ATRNL1: variants seen among roughly 807,000 people sequenced by gnomAD.
ATRNL1 encodes the protein attractin like 1.
In ATRNL1, 95 loss-of-function variants were observed where a neutral mutation model predicts 182.7. The ratio of observed to expected loss-of-function variants is 0.52; its 90% CI spans 0.44 to 0.62. The LOEUF (loss-of-function observed/expected upper bound fraction) is 0.62, where lower values mean the gene tolerates loss of function less well. ATRNL1 is among the 20% of genes least tolerant of loss of function. The pLI is 0.00. For synonymous variants in ATRNL1, 576 were observed against 568.3 expected, an observed-to-expected ratio of 1.01 and a Z score of -0.19; for missense variants, 1,471 against 1,679.5, an observed-to-expected ratio of 0.88 and a Z score of 2.17.
chr10:115,444,214 A>G (rs1224341233), intron 21 of ATRNL1, among the ~76,000 whole-genome samples: 3 of 152,168 alleles, frequency 2.0e-5, no homozygotes, highest in Non-Finnish European at 4.4e-5. Context: ...GTTGTTGGAT[A>G]CAAAATTAAT....
chr10:115,434,347 A>G (rs547342281), intron 21 of ATRNL1, among the ~76,000 whole-genome samples: 61 of 152,286 alleles, frequency 4.0e-4, no homozygotes, highest in Non-Finnish European at 7.9e-4. Context: ...AGCTTTTTAT[A>G]TGTATTAGCT....
chr10:115,375,018 G>GT (rs1353341897), intron 19 of ATRNL1, among the ~76,000 whole-genome samples: 68 of 145,368 alleles, frequency 4.7e-4, no homozygotes, highest in Non-Finnish European at 6.4e-4. Flanking sequence ...ATCCAATGTT[G>GT]TTTTTTTTTT....
At chr10:115,267,165 T>C (rs1298287295) in intron 12 of ATRNL1, among the ~76,000 whole-genome samples, 160 bp downstream of exon 12, 2 of 151,392 alleles carry the variant, frequency 1.3e-5, no homozygotes, top group African/African-American at 4.8e-5. Context: ...TGATTAATAA[T>C]TTAATACATT....
At chr10:115,173,937 G>T (rs544299887) in intron 8 of ATRNL1, among the ~76,000 whole-genome samples, 1 of 466 alleles carries the variant, frequency 2.1e-3, no homozygotes, top group Admixed American at 0.019. Context: ...TACATGTCTT[G>T]TATTTTCAAA....
intron 5 of ATRNL1, among the ~76,000 whole-genome samples, chr10:115,137,036 TA>T: frequency 6.6e-6 from 1 of 152,052 alleles, no homozygotes; most frequent in East Asian, 1.9e-4. Flanking sequence ...AAGAACACAA[TA>T]GAACAGTAAT....
At chr10:115,642,900 A>G (rs982128683) in intron 26 of ATRNL1, among the ~76,000 whole-genome samples, 6 of 152,230 alleles carry the variant, frequency 3.9e-5, no homozygotes, top group Admixed American at 1.3e-4. Context: ...CTCTCAACAG[A>G]GGACTCTTTT....
At chr10:115,610,668 T>C (rs1857108629) in intron 26 of ATRNL1, among the ~76,000 whole-genome samples, 1 of 152,186 alleles carries the variant, frequency 6.6e-6, no homozygotes, top group Admixed American at 6.5e-5. Context: ...ACCTCAGTTA[T>C]AAAGTTGTGC....
At chr10:115,769,325 C>A (rs138499984) in intron 27 of ATRNL1, among the ~76,000 whole-genome samples, 54 of 152,218 alleles carry the variant, frequency 3.5e-4, no homozygotes, top group African/African-American at 1.3e-3. Context: ...TGCACATTTT[C>A]ATTTCCCTGA....
In ATRNL1 at chr10:115,121,726, C is replaced by A. The variant is rs1554871670; in HGVS notation, c.405C>A (p.Phe135Leu). 4 of 1,551,578 alleles carry A rather than the reference C, an allele frequency of 2.6e-6. No individual in the cohort carries two copies. The South Asian group carries it at 5.0e-5, about 19-fold the overall frequency. ...GYPNAVLRLR[F>L]NHFATECSWD... is the part of the protein sequence containing the mutation. ...CAAATGCAGTGTTAAGATTAAGATTCAATCATTTTGCTACAGAATGTAGCT... is the reference window on the plus strand; with the variant it reads ...CAAATGCAGTGTTAAGATTAAGATTAAATCATTTTGCTACAGAATGTAGCT... Residue 135 changes from phenylalanine to leucine, a missense_variant, in exon 3 of 29, where the codon TTC becomes TTA. By Grantham distance (22) the Phe-to-Leu change is conservative. This residue lies in a region of ATRNL1 where 1,031 missense variants were observed against 1,156.0 expected (regional missense o/e 0.89). Coordinates refer to ENST00000355044, the MANE Select transcript of ATRNL1 (RefSeq NM_207303.4).
chr10:115,606,914 A>G, intron 26 of ATRNL1, among the ~76,000 whole-genome samples: 1 of 151,944 alleles, frequency 6.6e-6, no homozygotes, highest in Non-Finnish European at 1.5e-5. Flanking sequence ...ATGGTGTCAT[A>G]ATGTTTAGAG....
At chr10:115,219,201 C>T (rs1849347255) in intron 9 of ATRNL1, among the ~76,000 whole-genome samples, 2 of 142,872 alleles carry the variant, frequency 1.4e-5, no homozygotes, top group Non-Finnish European at 3.0e-5. Flanking sequence ...CACTGCACTC[C>T]AGTCTGGGTG....
At chr10:115,943,744 T>C (rs1255407207) in intron 28 of ATRNL1, among the ~76,000 whole-genome samples, 2 of 152,170 alleles carry the variant, frequency 1.3e-5, no homozygotes, top group Non-Finnish European at 2.9e-5. Context: ...ACAGCTTTAT[T>C]CACAATTACC....
intron 24 of ATRNL1, among the ~76,000 whole-genome samples, chr10:115,516,829 C>T (rs1380343892): frequency 1.3e-5 from 2 of 151,872 alleles, no homozygotes; most frequent in African/African-American, 4.8e-5. Flanking sequence ...GCTCATATAT[C>T]ACCCCTTTAG....
chr10:115,445,206 A>G (rs563128116), intron 21 of ATRNL1, among the ~76,000 whole-genome samples: 3 of 150,368 alleles, frequency 2.0e-5, no homozygotes, highest in Admixed American at 2.0e-4. Context: ...AGACGGGTAG[A>G]TCACCTGAGG....
At chr10:115,178,995 G>A (rs1476903411) in intron 8 of ATRNL1, among the ~76,000 whole-genome samples, 3 of 151,746 alleles carry the variant, frequency 2.0e-5, no homozygotes, top group Non-Finnish European at 2.9e-5. Context: ...TCTCCTGTGT[G>A]TATACTTTCT....
At chr10:115,762,369 A>G (rs1948754454) in intron 27 of ATRNL1, among the ~76,000 whole-genome samples, 2 of 152,140 alleles carry the variant, frequency 1.3e-5, no homozygotes, top group African/African-American at 4.8e-5. Flanking sequence ...ATGATGGCTA[A>G]AAGTATATAG....
At chr10:115,628,527 G>A (rs113010446) in intron 26 of ATRNL1, among the ~76,000 whole-genome samples, 76 of 150,742 alleles carry the variant, frequency 5.0e-4, no homozygotes, top group African/African-American at 1.8e-3. Flanking sequence ...TCTATAGATT[G>A]TCTTTTCATT....
chr10:115,547,276 AT>A (rs1852719352), intron 25 of ATRNL1, among the ~76,000 whole-genome samples: 1 of 148,526 alleles, frequency 6.7e-6, no homozygotes, highest in African/African-American at 2.5e-5. Context: ...ATATATATAT[AT>A]ATATAAATAT....
At chr10:115,826,586 A>G (rs1221677080) in intron 27 of ATRNL1, among the ~76,000 whole-genome samples, 1 of 152,152 alleles carries the variant, frequency 6.6e-6, no homozygotes, top group African/African-American at 2.4e-5. Context: ...CAGTTCAGCA[A>G]ATTCCGGGTT....
Sources: allele counts gnomAD v4.1 joint callset (sites outside exome capture counted in the v4.1 genomes callset), GRCh38; gene constraint gnomAD v4.1.1; regional missense constraint gnomAD v4.1.1; transcripts MANE v1.5; gene names NCBI Gene and HGNC (gene_info 2026-07-23, HGNC 2026-07-21).